The following NEDD4L variants were observed in gnomAD, a reference collection of about 807,000 sequenced individuals.
NEDD4L encodes NEDD4 like E3 ubiquitin protein ligase.
NEDD4L carries 54 observed loss-of-function variants against 148.9 expected under a neutral mutation model. The observed-to-expected ratio is 0.36, with a 90% CI of 0.29 to 0.45. The LOEUF (loss-of-function observed/expected upper bound fraction) is 0.45, where lower values mean the gene tolerates loss of function less well. NEDD4L is among the 20% of genes least tolerant of loss of function. The probability of loss-of-function intolerance (pLI) is 1.00; values close to 1 mark genes in which losing one functional copy is unlikely to be tolerated. For missense variants in NEDD4L, 856 were observed against 1,233.8 expected (o/e 0.69, Z 4.59); for synonymous variants, 433 against 440.7 (o/e 0.98, Z 0.22).
chr18:58,094,916 A>G (rs1331449949), intron 1 of NEDD4L, among the ~76,000 whole-genome samples: 1 of 152,058 alleles, frequency 6.6e-6, no homozygotes, highest in Admixed American at 6.5e-5. Context: ...AAAAAAAAAA[A>G]AAGAAGGGAT....
intron 1 of NEDD4L, among the ~76,000 whole-genome samples, chr18:58,058,873 G>A (rs1942564): frequency 0.81 from 122,801 of 151,972 alleles, 50,172 homozygotes; most frequent in East Asian, 1. Context: ...TGTCTGTCTC[G>A]TATAGATTAG....
At chr18:58,329,317 T>G (rs1480549850) in intron 10 of NEDD4L, among the ~76,000 whole-genome samples, 190 bp downstream of exon 10, 1 of 152,234 alleles carries the variant, frequency 6.6e-6, no homozygotes, top group Non-Finnish European at 1.5e-5. Context: ...TTGACAAGTA[T>G]AGGTGGCTCT....
In NEDD4L at chr18:58,367,945, T is replaced by C. The variant is rs1482377081; in HGVS notation, c.2185+78T>C. On this transcript the variant is annotated intron_variant, in intron 22 of 30. Transcript: ENST00000400345. ...GGTGTCTTATCTTTCGCATCATGGG[T>C]TTTTAAGCAAAAGCTTCACTGGTTT... 6.7e-6 allele frequency: 10 copies of C among 1,484,140 alleles called. No individual in the cohort carries two copies. The South Asian group carries it at 9.9e-5, about 15-fold the overall frequency. The allele number at this position is 1,484,140 out of a possible 1,614,324, so 91.9% of individuals were successfully genotyped here.
intron 26 of NEDD4L, among the ~76,000 whole-genome samples, chr18:58,386,567 C>G (rs1159160882): frequency 6.6e-6 from 1 of 152,244 alleles, no homozygotes; most frequent in Non-Finnish European, 1.5e-5. Flanking sequence ...AGGCCCCTAG[C>G]AGTGGGTGAG....
chr18:58,226,933 A>G (rs1219124171), intron 2 of NEDD4L, among the ~76,000 whole-genome samples: 1 of 152,198 alleles, frequency 6.6e-6, no homozygotes, highest in Non-Finnish European at 1.5e-5. Flanking sequence ...ATCTTTGTCA[A>G]ATATGCAATT....
Position 58,350,981 on chromosome 18 carries a change from C to G in NEDD4L, c.1654-10C>G, listed in dbSNP as rs373387102. ...ATATTTTCTCTCTCCCTTCCTTCCC[C>G]GGATACTAGCCTGGCTGGGAAGAAA... On this transcript the variant is annotated splice_polypyrimidine_tract_variant and intron_variant, in intron 17 of 30. Coordinates refer to ENST00000400345, the MANE Select transcript of NEDD4L (RefSeq NM_001144967.3). The G allele has an allele frequency of 3.2e-5, 51 of 1,582,842 alleles. No homozygotes were observed. In the African/African-American group the frequency reaches 6.1e-4, roughly 19 times the overall value.
At chr18:58,048,171 A>G (rs967908397) in intron 1 of NEDD4L, among the ~76,000 whole-genome samples, 7 of 152,032 alleles carry the variant, frequency 4.6e-5, no homozygotes, top group African/African-American at 1.7e-4. Context: ...CCTAGTCACA[A>G]TCAGTGGCTT....
intron 5 of NEDD4L, among the ~76,000 whole-genome samples, chr18:58,253,879 T>TCTTAAAA (rs1568482966): frequency 6.6e-6 from 1 of 152,164 alleles, no homozygotes; most frequent in East Asian, 1.9e-4. Flanking sequence ...TTTTAAGAAA[T>TCTTAAAA]CTTGTATGAA....
intron 1 of NEDD4L, among the ~76,000 whole-genome samples, chr18:58,160,441 A>G (rs541637277): frequency 6.6e-6 from 1 of 152,378 alleles, no homozygotes; most frequent in South Asian, 2.1e-4. Context: ...ATGCAGAACA[A>G]TAGATTAATA....
intron 16 of NEDD4L, 142 bp downstream of exon 16, chr18:58,343,245 C>G (rs1027492156): frequency 3.4e-5 from 9 of 264,562 alleles, no homozygotes; most frequent in Non-Finnish European, 6.5e-5. Flanking sequence ...CAGCCTGCAT[C>G]TGGCCCCTGC....
At chr18:58,244,877 G>C (rs1380898682) in intron 2 of NEDD4L, among the ~76,000 whole-genome samples, 1 of 152,008 alleles carries the variant, frequency 6.6e-6, no homozygotes, top group Non-Finnish European at 1.5e-5. Flanking sequence ...TGTATTTTTA[G>C]TAGAGACAGG....
intron 5 of NEDD4L, among the ~76,000 whole-genome samples, chr18:58,255,110 G>T (rs1234822166): frequency 6.6e-6 from 1 of 152,200 alleles, no homozygotes; most frequent in Non-Finnish European, 1.5e-5. Context: ...AACATGCCAG[G>T]TCCCTGCACT....
chr18:58,367,628 A>G, intron 21 of NEDD4L, 118 bp from the exon 22 acceptor site: 2 of 1,086,656 alleles, frequency 1.8e-6, no homozygotes, highest in Middle Eastern at 2.9e-4. Context: ...ACATTTTCCC[A>G]CTAGGTACAG....
intron 1 of NEDD4L, among the ~76,000 whole-genome samples, chr18:58,129,676 CAT>C (rs1166452758): frequency 1.3e-5 from 2 of 152,248 alleles, no homozygotes; most frequent in African/African-American, 2.4e-5. Context: ...TCTCAGCAGT[CAT>C]GGGTTTATCT....
intron 1 of NEDD4L, among the ~76,000 whole-genome samples, chr18:58,076,636 G>A (rs1471204906): frequency 6.6e-6 from 1 of 152,052 alleles, no homozygotes; most frequent in Non-Finnish European, 1.5e-5. Context: ...GCTCAGTGAG[G>A]TGAGCCTGTG....
At chr18:58,103,657 A>C (rs2084903354) in intron 1 of NEDD4L, among the ~76,000 whole-genome samples, 1 of 152,182 alleles carries the variant, frequency 6.6e-6, no homozygotes, top group Admixed American at 6.6e-5. Flanking sequence ...AATACCAAAA[A>C]TCGAGAGGGA....
intron 20 of NEDD4L, 102 bp downstream of exon 20, chr18:58,364,435 T>C (rs1047781657): frequency 5.9e-6 from 4 of 676,770 alleles, no homozygotes; most frequent in East Asian, 2.8e-5. Flanking sequence ...ATATGAATGC[T>C]AAAAATATTA....
At chr18:58,060,703 C>G (rs915194101) in intron 1 of NEDD4L, among the ~76,000 whole-genome samples, 1 of 152,120 alleles carries the variant, frequency 6.6e-6, no homozygotes, top group Admixed American at 6.5e-5. Context: ...TACAGTGGCT[C>G]TAAACTGGGG....
chr18:58,179,229 G>A (rs1298183514), intron 2 of NEDD4L, among the ~76,000 whole-genome samples: 1 of 152,168 alleles, frequency 6.6e-6, no homozygotes, highest in Non-Finnish European at 1.5e-5. Context: ...ATGTAGTCAA[G>A]CCATCATGTT....
Sources: gnomAD v4.1 joint callset for allele counts (sites outside exome capture counted in the v4.1 genomes callset) on GRCh38, gnomAD v4.1.1 for gene constraint, MANE v1.5 for transcripts, NCBI Gene and HGNC (gene_info 2026-07-23, HGNC 2026-07-21) for gene names.